Variants in CPNE2 observed in about 807,000 individuals in gnomAD.
The protein encoded by CPNE2 is copine 2.
CPNE2 carries 42 observed loss-of-function variants against 69.7 expected under a neutral mutation model. That is an observed-to-expected ratio of 0.60 (90% CI 0.47 to 0.78). The LOEUF (loss-of-function observed/expected upper bound fraction) is 0.78, where lower values mean the gene tolerates loss of function less well. Among genes scored for constraint, CPNE2 ranks in the 30% least tolerant of loss-of-function variants. The pLI, the probability that CPNE2 is intolerant of heterozygous loss-of-function variation, is 0.00. For missense variants in CPNE2, 587 were observed against 732.0 expected, an observed-to-expected ratio of 0.80 and a Z score of 2.29; for synonymous variants, 294 against 289.8, an observed-to-expected ratio of 1.01 and a Z score of -0.15.
intron 14 of CPNE2, chr16:57,143,892 C>T (rs1567329076): frequency 2.0e-5 from 3 of 152,348 alleles, no homozygotes; most frequent in Non-Finnish European, 2.9e-5. Flanking sequence ...TGAGCTGGAA[C>T]GGGCTTGGAA....
intron 8 of CPNE2, 129 bp from the exon 9 acceptor site, chr16:57,121,545 T>G (rs4783976): frequency 1.8e-5 from 16 of 898,664 alleles, no homozygotes; most frequent in African/African-American, 3.3e-5. Flanking sequence ...GTGGACATCC[T>G]GGGAGGCTCC....
chr16:57,143,309 G>A (rs2145285901), intron 14 of CPNE2: 1 of 152,476 alleles, frequency 6.6e-6, no homozygotes, highest in African/African-American at 2.4e-5. Context: ...CCTGTGTGTG[G>A]GCATGGTGGC....
At chr16:57,134,244 C>T (rs866752259) in intron 12 of CPNE2, among the ~76,000 whole-genome samples, 17 of 152,180 alleles carry the variant, frequency 1.1e-4, no homozygotes, top group Middle Eastern at 3.2e-3. Context: ...CTTGCAGCCC[C>T]CTTACACTCC....
At position 57,133,513 on chromosome 16, in the gene CPNE2, GTT is replaced by G. The variant is rs562540764; in HGVS notation, c.1117-1260_1117-1259del. Among the ~76,000 whole-genome samples, 300 of 152,278 alleles carry G rather than the reference GTT, an allele frequency of 2.0e-3. 3 individuals carry two copies. Among genetic ancestry groups the G allele is most frequent in the Admixed American group, 0.018 (272 of 15,298 alleles). On this transcript the variant is annotated intron_variant, in intron 12 of 15. Transcript: ENST00000290776. ...GCTTCCCTTTTCTGGGCCTCGGTTT[GTT>G]TATTTGTAAAATGGGGACGCTGGAT...
At chr16:57,144,455 G>A (rs1170474605) in intron 14 of CPNE2, 1 of 152,300 alleles carries the variant, frequency 6.6e-6, no homozygotes, top group East Asian at 1.9e-4. Flanking sequence ...GCTAAGGGCT[G>A]ACCTGGGGTC....
chr16:57,098,262 T>A (rs745680194), intron 1 of CPNE2, among the ~76,000 whole-genome samples: 1 of 152,202 alleles, frequency 6.6e-6, no homozygotes, highest in Admixed American at 6.5e-5. Flanking sequence ...GCTGTCTGCA[T>A]CTGTATTTAT....
At chr16:57,136,882 C>T (rs140678511) in intron 13 of CPNE2, among the ~76,000 whole-genome samples, 27 of 152,336 alleles carry the variant, frequency 1.8e-4, no homozygotes, top group African/African-American at 6.5e-4. Flanking sequence ...TCACTGCACT[C>T]CAGCCTGGGT....
chr16:57,134,498 G>A (rs537402816), intron 12 of CPNE2, among the ~76,000 whole-genome samples: 9 of 152,286 alleles, frequency 5.9e-5, no homozygotes, highest in Admixed American at 6.5e-5. Context: ...GGACTGATGG[G>A]GCATAGGCAG....
intron 1 of CPNE2, among the ~76,000 whole-genome samples, chr16:57,103,496 C>T (rs897166116): frequency 2.6e-5 from 4 of 152,178 alleles, no homozygotes; most frequent in Admixed American, 6.5e-5. Flanking sequence ...CTAGAATTTA[C>T]GACAGGACAT....
intron 6 of CPNE2, 61 bp from the exon 7 acceptor site, chr16:57,119,499 AC>A: frequency 6.9e-7 from 1 of 1,444,326 alleles, no homozygotes; most frequent in Middle Eastern, 1.7e-4. Flanking sequence ...CATTGGGCTG[AC>A]CCAACCCCAG....
rs778811777 is a variant in CPNE2, at chr16:57,123,425, C to T, written c.879C>T (p.Asp293=). 1 of 1,613,184 alleles carries T rather than the reference C, an allele frequency of 6.2e-7. No individual in the cohort carries two copies. The change falls in exon 10 of 16, where the codon GAC becomes GAT. Residue 293 remains aspartate (D), a synonymous_variant. Transcript: ENST00000290776. ...IILRSCKINR[D]YSFLDYILGG... ...CCGCTTTCTTCCAGATAAACCGAGA[C>T]TACTCCTTCCTTGACTACATCCTGG... is the stretch of plus-strand genomic sequence containing the variant.
At chr16:57,131,427 C>T (rs1028676570) in intron 12 of CPNE2, among the ~76,000 whole-genome samples, 9 of 152,174 alleles carry the variant, frequency 5.9e-5, no homozygotes, top group South Asian at 2.1e-4. Context: ...TGTGAGGCTA[C>T]GCCTCAGATG....
chr16:57,134,677 G>C (rs1597504050), intron 12 of CPNE2, 98 bp from the exon 13 acceptor site: 2 of 1,296,174 alleles, frequency 1.5e-6, no homozygotes, highest in East Asian at 2.3e-5. Flanking sequence ...GTTATGAGCC[G>C]GTGCTCTCAA....
chr16:57,098,782 C>A (rs546722467), intron 1 of CPNE2, among the ~76,000 whole-genome samples: 1 of 152,088 alleles, frequency 6.6e-6, no homozygotes, highest in Non-Finnish European at 1.5e-5. Context: ...GTGTTGGGAG[C>A]AACGAAATGG....
At chr16:57,124,913 A>C in intron 10 of CPNE2, 1 of 240,818 alleles carries the variant, frequency 4.2e-6, no homozygotes. Flanking sequence ...CAGCGAACTC[A>C]CACTGACTGC....
intron 3 of CPNE2, 128 bp from the exon 4 acceptor site, chr16:57,115,348 C>A: frequency 4.3e-6 from 3 of 691,550 alleles, no homozygotes; most frequent in Non-Finnish European, 7.6e-6. Flanking sequence ...GATGCTCAGG[C>A]GGGTCACCAG....
intron 4 of CPNE2, among the ~76,000 whole-genome samples, chr16:57,116,302 C>T (rs1567667892): frequency 6.6e-6 from 1 of 152,176 alleles, no homozygotes; most frequent in Admixed American, 6.5e-5. Flanking sequence ...ATATCCTGAA[C>T]ATACCTCAGG....
At chr16:57,145,586 G>A in intron 14 of CPNE2, 1 of 184,572 alleles carries the variant, frequency 5.4e-6, no homozygotes, top group Non-Finnish European at 1.2e-5. Context: ...GCAGAGAGGG[G>A]GAGACCGGTC....
chr16:57,123,283 A>G lies in CPNE2; in HGVS notation c.868-131A>G. 3 of 873,200 alleles carry G rather than the reference A, an allele frequency of 3.4e-6. No individual in the cohort carries two copies. In the Admixed American group the frequency reaches 5.5e-5, roughly 16 times the overall value. The allele number at this position is 873,200 out of a possible 1,614,324, so 54.1% of individuals were successfully genotyped here. ...ATAGAGAGATTTGGGTTTTGTTGTA[A>G]TTAGATCAGGCCCATCAGCTTTTTT... On this transcript the variant is annotated intron_variant, in intron 9 of 15. Transcript: ENST00000290776.
Sources: gnomAD v4.1 joint callset for allele counts (sites outside exome capture counted in the v4.1 genomes callset) on GRCh38, gnomAD v4.1.1 for gene constraint, MANE v1.5 for transcripts, NCBI Gene and HGNC (gene_info 2026-07-23, HGNC 2026-07-21) for gene names.